The following PPP1R9A variants were observed in gnomAD, a reference collection of about 807,000 sequenced individuals.
The protein encoded by PPP1R9A is neurabin-1.
A neutral mutation model predicts 141.9 loss-of-function variants in PPP1R9A; 59 were observed. The ratio of observed to expected loss-of-function variants is 0.42; its 90% CI spans 0.34 to 0.52. The LOEUF is 0.52. Ranked by LOEUF, PPP1R9A falls within the 20% of genes least tolerant of loss-of-function variation. The probability of loss-of-function intolerance (pLI) is 0.10; values close to 1 mark genes in which losing one functional copy is unlikely to be tolerated. For missense variants in PPP1R9A, 1,444 were observed against 1,611.9 expected (o/e 0.90, Z 1.78); for synonymous variants, 500 against 569.7 (o/e 0.88, Z 1.74).
At chr7:95,159,383 C>G (rs1830100513) in intron 4 of PPP1R9A, among the ~76,000 whole-genome samples, 1 of 152,034 alleles carries the variant, frequency 6.6e-6, no homozygotes, top group Non-Finnish European at 1.5e-5. Flanking sequence ...TTCAAAAAAT[C>G]CGTAGAAAGG....
intron 2 of PPP1R9A, among the ~76,000 whole-genome samples, chr7:95,012,838 C>T (rs750329740): frequency 6.6e-6 from 1 of 152,136 alleles, no homozygotes; most frequent in Non-Finnish European, 1.5e-5. Context: ...TGGAATCACT[C>T]AATATGGATT....
chr7:95,057,822 A>G (rs1811702129), intron 2 of PPP1R9A, among the ~76,000 whole-genome samples: 1 of 152,212 alleles, frequency 6.6e-6, no homozygotes, highest in Middle Eastern at 3.4e-3. Context: ...AATTCATTAT[A>G]TTGAATGAAT....
chr7:95,053,232 T>A (rs558492616), intron 2 of PPP1R9A, among the ~76,000 whole-genome samples: 35 of 152,328 alleles, frequency 2.3e-4, no homozygotes, highest in African/African-American at 8.2e-4. Context: ...AATAAAGTGA[T>A]TAAAGTTTTC....
At chr7:95,174,276 G>A (rs1006524030) in intron 5 of PPP1R9A, among the ~76,000 whole-genome samples, 8 of 152,074 alleles carry the variant, frequency 5.3e-5, no homozygotes, top group Admixed American at 1.3e-4. Context: ...AATAGCCTGT[G>A]TACTGTTTGA....
chr7:95,162,675 A>C (rs1830619596), intron 5 of PPP1R9A, among the ~76,000 whole-genome samples: 1 of 152,202 alleles, frequency 6.6e-6, no homozygotes, highest in South Asian at 2.1e-4. Context: ...TTAAGGAAAC[A>C]TTATTTAGTA....
chr7:95,279,170 T>C (rs2153068886), intron 16 of PPP1R9A, among the ~76,000 whole-genome samples: 1 of 152,366 alleles, frequency 6.6e-6, no homozygotes, highest in African/African-American at 2.4e-5. Context: ...TACTTCAGGC[T>C]GTACTTCATA....
chr7:95,198,507 CT>C, intron 6 of PPP1R9A, 23 bp downstream of exon 6: 2 of 1,519,076 alleles, frequency 1.3e-6, no homozygotes, highest in Admixed American at 2.3e-5. Context: ...TGCAAAGATT[CT>C]TTTTCCCACA....
At chr7:95,199,470 G>C (rs1789049019) in intron 6 of PPP1R9A, among the ~76,000 whole-genome samples, 1 of 152,182 alleles carries the variant, frequency 6.6e-6, no homozygotes, top group Admixed American at 6.5e-5. Context: ...TTAATAAACA[G>C]ACATTCAAAT....
chr7:95,226,897 C>G (rs1287217983), intron 8 of PPP1R9A, among the ~76,000 whole-genome samples: 1 of 152,134 alleles, frequency 6.6e-6, no homozygotes, highest in African/African-American at 2.4e-5. Flanking sequence ...ACATGTAAAA[C>G]AGAAACAGTG....
chr7:95,253,622 T>A (rs894841872), intron 12 of PPP1R9A, among the ~76,000 whole-genome samples: 1 of 152,162 alleles, frequency 6.6e-6, no homozygotes, highest in East Asian at 1.9e-4. Flanking sequence ...TGGGTTGATA[T>A]TACTGTGCAT....
chr7:95,070,436 T>C (rs1002327666), intron 2 of PPP1R9A, among the ~76,000 whole-genome samples: 6 of 151,878 alleles, frequency 4.0e-5, no homozygotes, highest in African/African-American at 1.2e-4. Flanking sequence ...TGAAATTATT[T>C]AGTGAAAGCA....
At chr7:95,101,157 G>T (rs1326334421) in intron 2 of PPP1R9A, among the ~76,000 whole-genome samples, 1 of 152,082 alleles carries the variant, frequency 6.6e-6, no homozygotes, top group Non-Finnish European at 1.5e-5. Context: ...CGGCCTCTTT[G>T]TCTGATTTAT....
In PPP1R9A at chr7:95,214,503, GGC is replaced by G. The variant is rs200585551; in HGVS notation, c.1956+10774_1956+10775del. ...AGAGAGAGAGCAAGAGGACAAAAGA[GGC>G]ACAAATCACAGTCTTTTTTTTTCAA... On this transcript the variant is annotated intron_variant, in intron 7 of 19. Coordinates refer to ENST00000433360, the MANE Select transcript of PPP1R9A (RefSeq NM_001166160.2). 6.6e-3 allele frequency among the ~76,000 whole-genome samples: 1,010 copies of G among 152,282 alleles called. 5 individuals carry two copies. Among genetic ancestry groups the G allele is most frequent in the African/African-American group, 9.1e-3 (380 of 41,546 alleles).
At chr7:95,100,510 G>A (rs1441196289) in intron 2 of PPP1R9A, among the ~76,000 whole-genome samples, 3 of 152,164 alleles carry the variant, frequency 2.0e-5, no homozygotes, top group South Asian at 4.1e-4. Flanking sequence ...ACATACTTCT[G>A]AAGACTATTT....
At chr7:95,155,944 C>T (rs1179515705) in intron 4 of PPP1R9A, 1 of 152,164 alleles carries the variant, frequency 6.6e-6, no homozygotes, top group East Asian at 1.9e-4. Context: ...TAAAGAACTT[C>T]ACTATGCCTA....
At chr7:95,250,386 A>G in intron 10 of PPP1R9A, 131 bp downstream of exon 10, 5 of 776,418 alleles carry the variant, frequency 6.4e-6, no homozygotes, top group Non-Finnish European at 1.0e-5. Flanking sequence ...GAGCATAGTT[A>G]CAGCATAAAT....
chr7:95,044,685 C>A (rs1273264941), intron 2 of PPP1R9A, among the ~76,000 whole-genome samples: 1 of 147,964 alleles, frequency 6.8e-6, no homozygotes, highest in Non-Finnish European at 1.5e-5. Context: ...GTTGAGATTA[C>A]AGGTGTGAGC....
chr7:95,196,502 A>G (rs1337037201), intron 5 of PPP1R9A, among the ~76,000 whole-genome samples: 7 of 152,238 alleles, frequency 4.6e-5, no homozygotes, highest in Non-Finnish European at 7.4e-5. Context: ...ATGTTCACAT[A>G]AAGACTTGTT....
chr7:95,003,093 AAAAAAGCTTTTT>A (rs1339158007), intron 2 of PPP1R9A, among the ~76,000 whole-genome samples: 1 of 152,186 alleles, frequency 6.6e-6, no homozygotes, highest in Non-Finnish European at 1.5e-5. Context: ...CCTTTTTTAA[AAAAAAGCTTTTT>A]AAAAAGCTTT....
Sources: allele counts gnomAD v4.1 joint callset (sites outside exome capture counted in the v4.1 genomes callset), GRCh38; gene constraint gnomAD v4.1.1; transcripts MANE v1.5; gene names NCBI Gene and HGNC (gene_info 2026-07-23, HGNC 2026-07-21).